HK2: variants seen among roughly 807,000 people sequenced by gnomAD.
HK2 encodes hexokinase-2.
In HK2, 42 loss-of-function variants were observed where a neutral mutation model predicts 92.9. The observed-to-expected ratio is 0.45, with a 90% CI of 0.35 to 0.58. HK2 has a LOEUF of 0.58. Ranked by LOEUF, HK2 falls within the 20% of genes least tolerant of loss-of-function variation. The pLI is 0.00. For missense variants in HK2, 978 were observed against 1,245.1 expected (o/e 0.79, Z 3.23); for synonymous variants, 422 against 468.0 (o/e 0.90, Z 1.27).
chr2:74,890,318 T>C (rs1689644216), intron 17 of HK2, among the ~76,000 whole-genome samples: 1 of 152,248 alleles, frequency 6.6e-6, no homozygotes, highest in South Asian at 2.1e-4. Flanking sequence ...TCTGTAAGTC[T>C]GCTTCTTTTG....
rs1424777874 is a variant in HK2 at position 74,892,128 on chromosome 2, A to G, written c.*1187A>G. The G allele has an allele frequency of 6.6e-6, 1 of 152,592 alleles. No individual in the cohort carries two copies. Among genetic ancestry groups the G allele is most frequent in the Non-Finnish European group, 1.5e-5 (1 of 68,030 alleles). 9.5% of individuals were successfully genotyped at this position (152,592 alleles called of 1,614,324 possible). A position where few individuals can be genotyped will look rare whatever the true frequency, so the allele number is the denominator to read the frequency against. ...GGCAGTATTCCATGGGATGTTAAGC[A>G]AAGGAAACCAAAGGAATCGTTTCAA... is the stretch of plus-strand genomic sequence containing the variant. On this transcript the variant is annotated 3_prime_UTR_variant, in exon 18 of 18. Transcript: ENST00000290573.
intron 1 of HK2, among the ~76,000 whole-genome samples, chr2:74,851,104 A>G (rs541756766): frequency 2.0e-5 from 3 of 152,192 alleles, no homozygotes; most frequent in Non-Finnish European, 4.4e-5. Context: ...GCAGGCTGGG[A>G]GTGCCCATCC....
intron 1 of HK2, among the ~76,000 whole-genome samples, chr2:74,852,032 G>A (rs1466165908): frequency 6.6e-6 from 1 of 152,158 alleles, no homozygotes; most frequent in Non-Finnish European, 1.5e-5. Context: ...GTGGCCCCTC[G>A]TGTCTGTGTG....
chr2:74,879,009 C>T (rs1689314205), intron 9 of HK2, 88 bp downstream of exon 9: 4 of 1,160,972 alleles, frequency 3.4e-6, no homozygotes, highest in Non-Finnish European at 2.5e-6. Flanking sequence ...TTTTGCATTT[C>T]AGGGGTGGTG....
In HK2 at chr2:74,886,291, C is replaced by T. The variant is rs1165923359; in HGVS notation, c.1936-3C>T. The T allele has an allele frequency of 1.2e-6, 2 of 1,613,404 alleles. No homozygotes were observed. The highest frequency in any genetic ancestry group is 1.1e-5 in the South Asian group (1 of 91,072). Reference sequence around the variant, plus strand: ...AACTGGGCATCTGCTTCTTCCCTCTCAGGAGTTTGACCTGGATGTGGTTGC... The same window carrying T: ...AACTGGGCATCTGCTTCTTCCCTCTTAGGAGTTTGACCTGGATGTGGTTGC... On this transcript the variant is annotated splice_polypyrimidine_tract_variant and splice_region_variant and intron_variant, in intron 13 of 17. Transcript: ENST00000290573.
intron 8 of HK2, among the ~76,000 whole-genome samples, chr2:74,878,323 A>G (rs1398223867): frequency 6.6e-6 from 1 of 152,166 alleles, no homozygotes; most frequent in Non-Finnish European, 1.5e-5. Context: ...TCTCACACAC[A>G]CAACTTGGTG....
chr2:74,848,853 G>T (rs768888989), intron 1 of HK2, among the ~76,000 whole-genome samples: 1 of 152,188 alleles, frequency 6.6e-6, no homozygotes, highest in Non-Finnish European at 1.5e-5. Flanking sequence ...TGAGATGGGC[G>T]CTTCTGGGCC....
intron 2 of HK2, among the ~76,000 whole-genome samples, chr2:74,862,927 A>C (rs1315033304): frequency 6.6e-6 from 1 of 152,234 alleles, no homozygotes; most frequent in Non-Finnish European, 1.5e-5. Context: ...ATGAAATCTG[A>C]GTGTCAGATT....
intron 1 of HK2, among the ~76,000 whole-genome samples, chr2:74,852,226 C>T (rs1558790836): frequency 6.6e-6 from 1 of 152,180 alleles, no homozygotes; most frequent in Non-Finnish European, 1.5e-5. Context: ...TGGATGTGGC[C>T]TCGCATTGGC....
chr2:74,848,736 T>C (rs1171787426), intron 1 of HK2, among the ~76,000 whole-genome samples: 1 of 152,236 alleles, frequency 6.6e-6, no homozygotes, highest in Non-Finnish European at 1.5e-5. Context: ...TGCTGTCTTC[T>C]GGATGTAAAT....
chr2:74,838,553 T>TG (rs1431171532), intron 1 of HK2, among the ~76,000 whole-genome samples: 1 of 150,978 alleles, frequency 6.6e-6, no homozygotes, highest in Non-Finnish European at 1.5e-5. Flanking sequence ...TTTTTTTTTT[T>TG]TTTGAGACGG....
rs1238455520 is a variant in HK2, at chr2:74,872,240, G to T, written c.376-60G>T. ...GTTACGTGCTGAGCCTGAAGTGCAT[G>T]CCCTTAATCTCTATGCTGTTCGACC... On this transcript the variant is annotated intron_variant, in intron 3 of 17. Coordinates refer to ENST00000290573, the MANE Select transcript of HK2 (RefSeq NM_000189.5). 143 of 1,588,144 alleles carry T rather than the reference G, an allele frequency of 9.0e-5. 1 individual carries two copies. The highest frequency in any genetic ancestry group is 1.2e-4 in the Non-Finnish European group (141 of 1,158,046).
chr2:74,877,033 T>C, intron 7 of HK2, 133 bp from the exon 8 acceptor site: 1 of 1,223,828 alleles, frequency 8.2e-7, no homozygotes. Flanking sequence ...TCCACGTATC[T>C]TACTCCTGGG....
intron 3 of HK2, among the ~76,000 whole-genome samples, chr2:74,870,047 G>A (rs751722928): frequency 5.7e-5 from 8 of 139,696 alleles, no homozygotes; most frequent in Admixed American, 1.5e-4. Context: ...TCACCCAAGC[G>A]TGACACCCAA....
chr2:74,884,323 G>T (rs1003150508), intron 12 of HK2, among the ~76,000 whole-genome samples: 1 of 152,216 alleles, frequency 6.6e-6, no homozygotes, highest in African/African-American at 2.4e-5. Context: ...CTGTGATGGG[G>T]AAATCCCACC....
chr2:74,849,562 T>C (rs538333678), intron 1 of HK2, among the ~76,000 whole-genome samples: 1 of 152,254 alleles, frequency 6.6e-6, no homozygotes, highest in Admixed American at 6.5e-5. Context: ...GAAGCAGCCT[T>C]GTCCATGCCC....
At chr2:74,878,432 T>TGTGTGTGCGCACGCACATGCGTGTGC (rs1046546446) in intron 8 of HK2, among the ~76,000 whole-genome samples, 10 of 150,556 alleles carry the variant, frequency 6.6e-5, no homozygotes, top group African/African-American at 2.5e-4. Context: ...TGTGTGTGTG[T>TGTGTGTGCGCACGCACATGCGTGTGC]GTGTGTGCGC....
chr2:74,886,715 T>G (rs1183927476), intron 15 of HK2, 42 bp downstream of exon 15: 1 of 1,596,258 alleles, frequency 6.3e-7, no homozygotes. Flanking sequence ...ATCCCAGGAC[T>G]GGATGGCAAC....
intron 2 of HK2, among the ~76,000 whole-genome samples, chr2:74,854,799 C>T (rs953071463): frequency 2.0e-5 from 3 of 152,222 alleles, no homozygotes; most frequent in Admixed American, 6.5e-5. Flanking sequence ...AACAAACGTA[C>T]CTCACGTGGC....
Sources: allele counts gnomAD v4.1 joint callset (sites outside exome capture counted in the v4.1 genomes callset), GRCh38; gene constraint gnomAD v4.1.1; transcripts MANE v1.5; gene names NCBI Gene and HGNC (gene_info 2026-07-23, HGNC 2026-07-21).